INPP4B: variants seen among roughly 807,000 people sequenced by gnomAD.
INPP4B encodes the protein inositol polyphosphate 4-phosphatase type II.
A neutral mutation model predicts 122.5 loss-of-function variants in INPP4B; 55 were observed. The observed-to-expected ratio is 0.45, with a 90% CI of 0.36 to 0.56. The LOEUF is 0.56. Ranked by LOEUF, INPP4B falls within the 20% of genes least tolerant of loss-of-function variation. INPP4B has a pLI of 0.00. For synonymous variants in INPP4B, 403 were observed against 388.7 expected (o/e 1.04, Z -0.43); for missense variants, 1,000 against 1,097.7 (o/e 0.91, Z 1.26).
chr4:142,702,554 C>G (rs1761936676), intron 2 of INPP4B, among the ~76,000 whole-genome samples: 1 of 151,836 alleles, frequency 6.6e-6, no homozygotes, highest in Non-Finnish European at 1.5e-5. Flanking sequence ...GGAGAAACCC[C>G]ATCTCTACTA....
chr4:142,578,048 GA>G (rs1428453082), intron 2 of INPP4B, among the ~76,000 whole-genome samples: 2 of 151,922 alleles, frequency 1.3e-5, no homozygotes, highest in African/African-American at 2.4e-5. Context: ...CACAATCTAG[GA>G]GAGGGAAAAA....
At chr4:142,694,344 G>T (rs1336731838) in intron 2 of INPP4B, among the ~76,000 whole-genome samples, 1 of 148,314 alleles carries the variant, frequency 6.7e-6, no homozygotes, top group Non-Finnish European at 1.5e-5. Context: ...CTGCACTTTA[G>T]CCTGGGTGAC....
At chr4:142,290,774 G>T (rs1275378053) in intron 9 of INPP4B, among the ~76,000 whole-genome samples, 2 of 152,246 alleles carry the variant, frequency 1.3e-5, no homozygotes, top group African/African-American at 2.4e-5. Flanking sequence ...GGCCATAGAT[G>T]GGGGACGTGG....
chr4:142,817,701 G>A (rs1427802906), intron 1 of INPP4B, among the ~76,000 whole-genome samples: 2 of 152,116 alleles, frequency 1.3e-5, no homozygotes, highest in African/African-American at 2.4e-5. Flanking sequence ...CATCGCCCAG[G>A]AAGTCAGCTT....
chr4:142,151,623 C>T (rs1813967483), intron 17 of INPP4B, among the ~76,000 whole-genome samples: 1 of 152,116 alleles, frequency 6.6e-6, no homozygotes, highest in African/African-American at 2.4e-5. Context: ...CTATGAGTGC[C>T]ACATTAATCT....
intron 14 of INPP4B, among the ~76,000 whole-genome samples, chr4:142,197,227 A>G (rs1838728184): frequency 1.3e-5 from 2 of 151,490 alleles, no homozygotes; most frequent in Admixed American, 1.3e-4. Flanking sequence ...CCTTATTTAT[A>G]GCATGATTGC....
chr4:142,155,621 G>A (rs1428970440), intron 17 of INPP4B, among the ~76,000 whole-genome samples: 4 of 152,066 alleles, frequency 2.6e-5, no homozygotes, highest in East Asian at 3.9e-4. Flanking sequence ...CAAGGTCATC[G>A]CCAAGGTCTG....
chr4:142,372,670 A>T (rs1263598236), intron 7 of INPP4B, among the ~76,000 whole-genome samples: 1 of 152,020 alleles, frequency 6.6e-6, no homozygotes, highest in Non-Finnish European at 1.5e-5. Context: ...TTCCAGTACG[A>T]CTTCTGACAG....
At chr4:142,318,778 ATT>A (rs1377135563) in intron 7 of INPP4B, among the ~76,000 whole-genome samples, 1 of 152,148 alleles carries the variant, frequency 6.6e-6, no homozygotes, top group Non-Finnish European at 1.5e-5. Context: ...ATTAAACTAA[ATT>A]TATCTTAAAA....
At chr4:142,405,893 C>A (rs1006752579) in intron 5 of INPP4B, among the ~76,000 whole-genome samples, 7 of 151,962 alleles carry the variant, frequency 4.6e-5, no homozygotes, top group Non-Finnish European at 1.0e-4. Flanking sequence ...TTTTTAAAGC[C>A]CTGGTCTGGA....
chr4:142,212,185 A>G (rs775330889), intron 12 of INPP4B, among the ~76,000 whole-genome samples: 24 of 152,072 alleles, frequency 1.6e-4, no homozygotes, highest in Admixed American at 2.6e-4. Context: ...GATCCCTCAC[A>G]TCTTTCCCAA....
At chr4:142,179,817 A>T (rs1830024532) in intron 15 of INPP4B, among the ~76,000 whole-genome samples, 3 of 152,102 alleles carry the variant, frequency 2.0e-5, no homozygotes. Context: ...TTCCTGGCCT[A>T]TTCCCACTTA....
At chr4:142,446,428 T>C (rs1037752207) in intron 3 of INPP4B, among the ~76,000 whole-genome samples, 1 of 152,142 alleles carries the variant, frequency 6.6e-6, no homozygotes, top group Non-Finnish European at 1.5e-5. Flanking sequence ...TAGAGTAACA[T>C]AAACTTTTAT....
chr4:142,728,441 T>G (rs999851183), intron 1 of INPP4B, among the ~76,000 whole-genome samples: 3 of 152,186 alleles, frequency 2.0e-5, no homozygotes, highest in African/African-American at 7.2e-5. Flanking sequence ...TATGTTGAAG[T>G]CCTACCCTGA....
intron 7 of INPP4B, among the ~76,000 whole-genome samples, chr4:142,341,184 G>A (rs1185576713): frequency 6.6e-6 from 1 of 152,128 alleles, no homozygotes; most frequent in Admixed American, 6.5e-5. Context: ...AAGCAAAAGT[G>A]AACCTCTTTA....
At chr4:142,115,771 A>T (rs1792941943) in intron 21 of INPP4B, among the ~76,000 whole-genome samples, 1 of 152,190 alleles carries the variant, frequency 6.6e-6, no homozygotes, top group Non-Finnish European at 1.5e-5. Context: ...CAAAATAACC[A>T]GCTAACATCA....
chr4:142,308,356 C>CT (rs373458000), intron 8 of INPP4B, among the ~76,000 whole-genome samples: 13 of 152,122 alleles, frequency 8.5e-5, no homozygotes, highest in Non-Finnish European at 1.8e-4. Flanking sequence ...CAATGCTATC[C>CT]TTTTTTTAAT....
intron 25 of INPP4B, among the ~76,000 whole-genome samples, chr4:142,070,103 C>T (rs1451003816): frequency 2.6e-5 from 4 of 152,138 alleles, no homozygotes; most frequent in Non-Finnish European, 4.4e-5. Flanking sequence ...TACTGGCAAA[C>T]CAAATCCGGC....
chr4:142,035,711 C>T (rs1379241248), intron 25 of INPP4B, among the ~76,000 whole-genome samples: 1 of 152,068 alleles, frequency 6.6e-6, no homozygotes, highest in African/African-American at 2.4e-5. Flanking sequence ...TGAATTATAC[C>T]AAATCAATCA....
Sources: allele counts gnomAD v4.1 joint callset (sites outside exome capture counted in the v4.1 genomes callset), GRCh38; gene constraint gnomAD v4.1.1; transcripts MANE v1.5; gene names NCBI Gene and HGNC (gene_info 2026-07-23, HGNC 2026-07-21).